The following KIAA0825 variants were observed in gnomAD, a reference collection of about 807,000 sequenced individuals.
KIAA0825 encodes the protein KIAA0825.
A neutral mutation model predicts 147.6 loss-of-function variants in KIAA0825; 119 were observed. The ratio of observed to expected loss-of-function variants is 0.81; its 90% CI spans 0.69 to 0.94. The LOEUF is 0.94. KIAA0825 is among the 40% of genes least tolerant of loss of function. KIAA0825 has a pLI of 0.00. For synonymous variants in KIAA0825, 470 were observed against 518.1 expected, an observed-to-expected ratio of 0.91 and a Z score of 1.26; for missense variants, 1,381 against 1,472.7, an observed-to-expected ratio of 0.94 and a Z score of 1.02.
At chr5:94,353,387 A>G (rs1466530560) in intron 20 of KIAA0825, among the ~76,000 whole-genome samples, 2 of 152,226 alleles carry the variant, frequency 1.3e-5, no homozygotes, top group African/African-American at 4.8e-5. Flanking sequence ...TAATTATCCC[A>G]GTAGAATTCA....
intron 3 of KIAA0825, among the ~76,000 whole-genome samples, chr5:94,530,020 CAGCAGTTTGGGA>C (rs1023461000): frequency 3.9e-5 from 6 of 151,970 alleles, no homozygotes; most frequent in Non-Finnish European, 7.4e-5. Context: ...CCTGTAATCC[CAGCAGTTTGGGA>C]AGCCAAGGTG....
chr5:94,413,773 T>G (rs1393671100), intron 15 of KIAA0825: 1 of 152,182 alleles, frequency 6.6e-6, no homozygotes, highest in African/African-American at 2.4e-5. Flanking sequence ...AATGAGTGAA[T>G]TTTATTGTAT....
chr5:94,411,489 T>C (rs1017352966), intron 15 of KIAA0825, among the ~76,000 whole-genome samples: 8 of 152,172 alleles, frequency 5.3e-5, no homozygotes, highest in African/African-American at 1.9e-4. Context: ...CATAGCCATA[T>C]GGAAAAATAA....
At chr5:94,201,592 T>G (rs1771697306) in intron 20 of KIAA0825, among the ~76,000 whole-genome samples, 1 of 151,190 alleles carries the variant, frequency 6.6e-6, no homozygotes, top group South Asian at 2.1e-4. Context: ...AAAGGTTGTT[T>G]TTTTTTGTTT....
At chr5:94,178,706 G>T (rs547251516) in intron 20 of KIAA0825, among the ~76,000 whole-genome samples, 1 of 152,138 alleles carries the variant, frequency 6.6e-6, no homozygotes, top group South Asian at 2.1e-4. Flanking sequence ...GCTATAGACA[G>T]GTGGGAATGC....
At chr5:94,252,197 G>C (rs1276354217) in intron 20 of KIAA0825, among the ~76,000 whole-genome samples, 1 of 151,894 alleles carries the variant, frequency 6.6e-6, no homozygotes, top group Non-Finnish European at 1.5e-5. Flanking sequence ...AAAATTATCT[G>C]CATAATTATA....
intron 20 of KIAA0825, among the ~76,000 whole-genome samples, chr5:94,306,568 G>A (rs1778750465): frequency 6.6e-6 from 1 of 151,756 alleles, no homozygotes; most frequent in African/African-American, 2.4e-5. Context: ...AGATAGGTAG[G>A]ATGACAATTG....
At chr5:94,451,905 C>G (rs772365061) in intron 13 of KIAA0825, among the ~76,000 whole-genome samples, 1 of 152,116 alleles carries the variant, frequency 6.6e-6, no homozygotes, top group African/African-American at 2.4e-5. Flanking sequence ...GAGATCCAGT[C>G]GTTTGTTACT....
chr5:94,203,381 A>C (rs1438802534), intron 20 of KIAA0825, among the ~76,000 whole-genome samples: 2 of 152,220 alleles, frequency 1.3e-5, no homozygotes, highest in African/African-American at 4.8e-5. Flanking sequence ...TTTACCTTGG[A>C]GGACAAAATA....
intron 20 of KIAA0825, among the ~76,000 whole-genome samples, chr5:94,307,693 A>G (rs947263045): frequency 4.6e-5 from 7 of 151,708 alleles, no homozygotes; most frequent in African/African-American, 1.7e-4. Context: ...GTCAAATTCT[A>G]CTTCTTCCCA....
chr5:94,504,163 G>T (rs1261304552), intron 5 of KIAA0825, among the ~76,000 whole-genome samples: 1 of 152,110 alleles, frequency 6.6e-6, no homozygotes, highest in Non-Finnish European at 1.5e-5. Context: ...TTTTTTCATT[G>T]TAAGTAACAA....
chr5:94,430,248 G>A (rs926365667), intron 14 of KIAA0825, among the ~76,000 whole-genome samples: 3 of 152,232 alleles, frequency 2.0e-5, no homozygotes, highest in Middle Eastern at 3.4e-3. Context: ...AATTTGGCAC[G>A]GCATGTTTAC....
chr5:94,247,339 G>T (rs1410188550), intron 20 of KIAA0825, among the ~76,000 whole-genome samples: 2 of 152,134 alleles, frequency 1.3e-5, no homozygotes, highest in Non-Finnish European at 2.9e-5. Flanking sequence ...CAAGCCCATT[G>T]TAGACAAAGA....
chr5:94,173,386 C>G (rs940636010), intron 20 of KIAA0825, among the ~76,000 whole-genome samples: 2 of 152,154 alleles, frequency 1.3e-5, no homozygotes, highest in Non-Finnish European at 2.9e-5. Flanking sequence ...GGGAGACACT[C>G]ATCTGAGGCA....
At chr5:94,517,417 T>C (rs1767435794) in intron 5 of KIAA0825, among the ~76,000 whole-genome samples, 1 of 152,134 alleles carries the variant, frequency 6.6e-6, no homozygotes, top group Non-Finnish European at 1.5e-5. Context: ...GATAGATAGA[T>C]AGATAGACAG....
Position 94,520,903 on chromosome 5 carries a change from C to A in KIAA0825, c.315G>T (p.Lys105Asn). 6.3e-7 allele frequency: 1 copy of A among 1,590,236 alleles called. No individual in the cohort carries two copies. Among genetic ancestry groups the A allele is most frequent in the Non-Finnish European group, 8.6e-7 (1 of 1,166,332 alleles). ...KFFKTLQDLL[K>N]NEQNQEEMTL... ...TCATTTCTTCTTGATTTTGTTCATT[C>A]TTCAACAAATCTTGCTAATGAAATT... The change falls in exon 5 of 21, where the codon AAG becomes AAT. Residue 105 changes from lysine to asparagine, a missense_variant. Lys to Asn is a moderately conservative substitution (Grantham distance 94). Transcript: ENST00000682413.
intron 20 of KIAA0825, among the ~76,000 whole-genome samples, chr5:94,327,838 T>A (rs936340911): frequency 1.3e-5 from 2 of 152,044 alleles, no homozygotes; most frequent in African/African-American, 4.8e-5. Context: ...AAACCCCGTC[T>A]CTACTAAGAA....
chr5:94,438,965 A>G (rs1001938476), intron 14 of KIAA0825, among the ~76,000 whole-genome samples: 4 of 152,206 alleles, frequency 2.6e-5, no homozygotes, highest in African/African-American at 9.6e-5. Flanking sequence ...AAGACAGAGC[A>G]TTCAAAGCTC....
chr5:94,419,937 G>A (rs2150727997), intron 14 of KIAA0825, among the ~76,000 whole-genome samples: 1 of 152,208 alleles, frequency 6.6e-6, no homozygotes, highest in African/African-American at 2.4e-5. Context: ...AGTGATATAA[G>A]TATGAGGCAC....
Sources: allele counts gnomAD v4.1 joint callset (sites outside exome capture counted in the v4.1 genomes callset), GRCh38; gene constraint gnomAD v4.1.1; transcripts MANE v1.5; gene names NCBI Gene and HGNC (gene_info 2026-07-23, HGNC 2026-07-21).